Variants in CRTC3 observed in about 807,000 individuals in gnomAD.
The protein encoded by CRTC3 is CREB-regulated transcription coactivator 3.
In CRTC3, 26 loss-of-function variants were observed where a neutral mutation model predicts 74.5. The observed-to-expected ratio is 0.35, with a 90% confidence interval of 0.26 to 0.48. The LOEUF (loss-of-function observed/expected upper bound fraction) is 0.48. Ranked by LOEUF, CRTC3 falls within the 20% of genes least tolerant of loss-of-function variation. CRTC3 has a pLI of 0.99. For synonymous variants in CRTC3, 377 were observed against 325.8 expected (o/e 1.16, Z -1.69); for missense variants, 760 against 787.3 (o/e 0.97, Z 0.41).
chr15:90,625,730 A>G, intron 9 of CRTC3, 46 bp from the exon 10 acceptor site: 1 of 1,550,836 alleles, frequency 6.4e-7, no homozygotes. Flanking sequence ...GTTTCCCAAC[A>G]GCCAAATACA....
chr15:90,613,050 A>G (rs553167697), intron 6 of CRTC3, among the ~76,000 whole-genome samples: 24 of 152,028 alleles, frequency 1.6e-4, no homozygotes, highest in Middle Eastern at 6.8e-3. Context: ...AAATAGAAAA[A>G]TTAGCCGGGC....
intron 2 of CRTC3, among the ~76,000 whole-genome samples, chr15:90,568,316 A>G (rs756319284): frequency 1.3e-5 from 2 of 152,158 alleles, no homozygotes; most frequent in African/African-American, 2.4e-5. Flanking sequence ...AATACCACAT[A>G]AGTTTATTAA....
intron 4 of CRTC3, among the ~76,000 whole-genome samples, chr15:90,603,246 A>G (rs371226204): frequency 3.3e-5 from 5 of 150,638 alleles, no homozygotes; most frequent in Admixed American, 6.6e-5. Flanking sequence ...GATCGAGACC[A>G]TCCTCGCTAA....
At chr15:90,638,360 C>G (rs1969314208) in intron 11 of CRTC3, 86 bp from the exon 12 acceptor site, 3 of 1,170,760 alleles carry the variant, frequency 2.6e-6, no homozygotes, top group African/African-American at 3.0e-5. Flanking sequence ...CTCAGGCTTC[C>G]TCTCACTCTG....
At chr15:90,611,552 G>A (rs1287486017) in intron 6 of CRTC3, among the ~76,000 whole-genome samples, 2 of 152,042 alleles carry the variant, frequency 1.3e-5, no homozygotes, top group Non-Finnish European at 1.5e-5. Context: ...TGATATGTTA[G>A]CTTGGTGCCA....
chr15:90,638,730 T>A lies in CRTC3; in HGVS notation c.1468-5T>A. 1 of 1,614,070 alleles carries A rather than the reference T, an allele frequency of 6.2e-7. No individual in the cohort carries two copies. Reference sequence around the variant, plus strand: ...GCTAAATGATCATCTCCTTATTCCCTGAAGGGCTCATCTTTGACCAACTTC... The same window carrying A: ...GCTAAATGATCATCTCCTTATTCCCAGAAGGGCTCATCTTTGACCAACTTC... On this transcript the variant is annotated splice_region_variant and splice_polypyrimidine_tract_variant and intron_variant, in intron 12 of 14. Coordinates refer to ENST00000268184, the MANE Select transcript of CRTC3 (RefSeq NM_022769.5).
intron 5 of CRTC3, among the ~76,000 whole-genome samples, chr15:90,606,130 C>T (rs1968213801): frequency 6.6e-6 from 1 of 151,298 alleles, no homozygotes; most frequent in Non-Finnish European, 1.5e-5. Context: ...GTAGCGGGTT[C>T]CTGTAATCCC....
chr15:90,609,113 C>T (rs10520693), intron 6 of CRTC3, among the ~76,000 whole-genome samples: 140,580 of 152,304 alleles, frequency 0.92, 65,054 homozygotes, highest in Middle Eastern at 0.98. Flanking sequence ...AGGGATAGTA[C>T]TGAATAATAA....
chr15:90,634,882 C>T, intron 11 of CRTC3: 1 of 1,565,160 alleles, frequency 6.4e-7, no homozygotes, highest in Non-Finnish European at 8.7e-7. Context: ...GGATCGGGTT[C>T]TAAAGGTAAG....
At chr15:90,586,991 C>A (rs917652113) in intron 2 of CRTC3, among the ~76,000 whole-genome samples, 2 of 152,232 alleles carry the variant, frequency 1.3e-5, no homozygotes, top group Admixed American at 6.5e-5. Context: ...TTATGGTTTA[C>A]CAGTCAAGTA....
intron 3 of CRTC3, among the ~76,000 whole-genome samples, chr15:90,597,257 G>A (rs1967950904): frequency 6.6e-6 from 1 of 152,236 alleles, no homozygotes; most frequent in African/African-American, 2.4e-5. Context: ...ACTCATCAAG[G>A]TTGGCAGACG....
chr15:90,553,433 G>A (rs766924309), intron 2 of CRTC3, among the ~76,000 whole-genome samples: 3 of 152,184 alleles, frequency 2.0e-5, no homozygotes, highest in African/African-American at 4.8e-5. Flanking sequence ...TATGGTTGTC[G>A]TATTTTTAAT....
At chr15:90,609,939 C>T (rs757483641) in intron 6 of CRTC3, among the ~76,000 whole-genome samples, 2 of 152,192 alleles carry the variant, frequency 1.3e-5, no homozygotes, top group East Asian at 1.9e-4. Flanking sequence ...GGAGGGTGGG[C>T]TGGCCTCCAA....
intron 2 of CRTC3, among the ~76,000 whole-genome samples, chr15:90,553,132 A>G (rs1451009556): frequency 1.3e-5 from 2 of 152,182 alleles, no homozygotes; most frequent in African/African-American, 4.8e-5. Flanking sequence ...GATTACTAAT[A>G]TCATCTATTT....
intron 11 of CRTC3, among the ~76,000 whole-genome samples, chr15:90,633,782 T>TTTGCTTCTCTG (rs1969130253): frequency 6.6e-6 from 1 of 152,130 alleles, no homozygotes; most frequent in Admixed American, 6.5e-5. Context: ...TCTCTCCTCT[T>TTTGCTTCTCTG]TTGCTTCTCT....
At chr15:90,609,114 T>C (rs1968298999) in intron 6 of CRTC3, among the ~76,000 whole-genome samples, 2 of 152,264 alleles carry the variant, frequency 1.3e-5, no homozygotes, top group Non-Finnish European at 2.9e-5. Context: ...GGGATAGTAC[T>C]GAATAATAAT....
chr15:90,611,931 C>T (rs1376167828), intron 6 of CRTC3, among the ~76,000 whole-genome samples: 1 of 152,140 alleles, frequency 6.6e-6, no homozygotes. Context: ...CAGCAGCCTG[C>T]TTCGGTCCAG....
Position 90,533,084 on chromosome 15 carries a change from CAAAAAAAAAAAAAAAAAAAA to C in CRTC3, c.132+2899_132+2918del, listed in dbSNP as rs766911510. On this transcript the variant is annotated intron_variant, in intron 1 of 14. Transcript: ENST00000268184. Reference sequence around the variant, plus strand: ...TGGGCGACAGAGCAAGACTTCATCTCAAAAAAAAAAAAAAAAAAAAAAAAAAAAAAAAAAAAAGGCCGGGC... The same window carrying C: ...TGGGCGACAGAGCAAGACTTCATCTCAAAAAAAAAAAAAAAAAGGCCGGGC... Among the ~76,000 whole-genome samples, 3 of 18,876 alleles carry C rather than the reference CAAAAAAAAAAAAAAAAAAAA, an allele frequency of 1.6e-4. No individual in the cohort carries two copies. The East Asian group carries it at 7.0e-3, about 44-fold the overall frequency. 12.4% of individuals were successfully genotyped at this position (18,876 alleles called of 152,430 possible). A position where few individuals can be genotyped will look rare whatever the true frequency, so the allele number is the denominator to read the frequency against.
At chr15:90,585,965 A>G (rs1442066215) in intron 2 of CRTC3, among the ~76,000 whole-genome samples, 1 of 152,180 alleles carries the variant, frequency 6.6e-6, no homozygotes, top group East Asian at 1.9e-4. Context: ...AAATTGCCAC[A>G]TAAATGACCC....
Sources: allele counts gnomAD v4.1 joint callset (sites outside exome capture counted in the v4.1 genomes callset), GRCh38; gene constraint gnomAD v4.1.1; transcripts MANE v1.5; gene names NCBI Gene and HGNC (gene_info 2026-07-23, HGNC 2026-07-21).